The following ME3 variants were observed in gnomAD, a reference collection of about 807,000 sequenced individuals.
ME3 encodes the protein NADP-dependent malic enzyme, mitochondrial.
ME3 carries 48 observed loss-of-function variants against 68.9 expected under a neutral mutation model. The ratio of observed to expected loss-of-function variants is 0.70; its 90% CI spans 0.55 to 0.89. The LOEUF is 0.89. ME3 is among the 40% of genes least tolerant of loss of function. The pLI is 0.00. For missense variants in ME3, 675 were observed against 797.4 expected (o/e 0.85, Z 1.85); for synonymous variants, 320 against 318.8 (o/e 1.00, Z -0.04).
At chr11:86,537,251 C>G (rs964016901) in intron 4 of ME3, among the ~76,000 whole-genome samples, 1 of 150,972 alleles carries the variant, frequency 6.6e-6, no homozygotes, top group East Asian at 1.9e-4. Context: ...CTAACCTGCA[C>G]AATGTGCACA....
chr11:86,643,756 A>T (rs1339160567), intron 2 of ME3, among the ~76,000 whole-genome samples: 1 of 152,160 alleles, frequency 6.6e-6, no homozygotes, highest in Non-Finnish European at 1.5e-5. Flanking sequence ...GAGAGCAAGG[A>T]CCATGAACCC....
chr11:86,504,459 C>T (rs893298851), intron 5 of ME3, among the ~76,000 whole-genome samples: 7 of 139,132 alleles, frequency 5.0e-5, no homozygotes, highest in African/African-American at 8.0e-5. Flanking sequence ...GGCCTGATCT[C>T]GGCTCACTGC....
intron 2 of ME3, among the ~76,000 whole-genome samples, chr11:86,586,097 T>C (rs1478599266): frequency 6.6e-6 from 1 of 152,172 alleles, no homozygotes; most frequent in African/African-American, 2.4e-5. Context: ...TGCACAAAAC[T>C]TTTTCAAAAA....
In ME3 at chr11:86,629,434, T is replaced by C. The variant is rs1016153025; in HGVS notation, c.183+42328A>G. 3.9e-5 allele frequency among the ~76,000 whole-genome samples: 6 copies of C among 152,200 alleles called. No individual in the cohort carries two copies. In the South Asian group the frequency reaches 6.2e-4, roughly 16 times the overall value. ...TGCTGAAGAAAGGAGGTTAACTAAA[T>C]GTGTTTTGGTTTAGACCCTCCCCCT... On this transcript the variant is annotated intron_variant, in intron 2 of 14. Transcript: ENST00000543262.
chr11:86,472,248 A>G (rs1025686696), intron 7 of ME3, among the ~76,000 whole-genome samples: 5 of 152,206 alleles, frequency 3.3e-5, no homozygotes, highest in African/African-American at 1.2e-4. Flanking sequence ...CATGGGGAGA[A>G]ATGAGCCTTG....
At chr11:86,620,717 C>G (rs1050219564) in intron 2 of ME3, among the ~76,000 whole-genome samples, 1 of 152,218 alleles carries the variant, frequency 6.6e-6, no homozygotes, top group Non-Finnish European at 1.5e-5. Flanking sequence ...CAAGAAGATA[C>G]AGGCACCTCT....
At chr11:86,666,399 C>A (rs1000892038) in intron 2 of ME3, among the ~76,000 whole-genome samples, 1 of 152,172 alleles carries the variant, frequency 6.6e-6, no homozygotes, top group African/African-American at 2.4e-5. Flanking sequence ...TGATTGCTTG[C>A]CCAGACTTGT....
intron 8 of ME3, chr11:86,462,518 G>T (rs914754091): frequency 7.6e-6 from 9 of 1,187,560 alleles, no homozygotes; most frequent in Non-Finnish European, 7.5e-6. Flanking sequence ...TGATGACCTG[G>T]ATAACAGAGA....
chr11:86,618,614 A>T (rs7939052), intron 2 of ME3, among the ~76,000 whole-genome samples: 1 of 151,886 alleles, frequency 6.6e-6, no homozygotes, highest in Non-Finnish European at 1.5e-5. Context: ...GCAATCCTCA[A>T]TGTTGGAGGT....
At chr11:86,589,357 G>A (rs1958924151) in intron 2 of ME3, among the ~76,000 whole-genome samples, 1 of 152,084 alleles carries the variant, frequency 6.6e-6, no homozygotes, top group Non-Finnish European at 1.5e-5. Flanking sequence ...GGGGGAGGGA[G>A]AGGGAGAAAG....
chr11:86,469,858 T>G (rs1312496345), intron 7 of ME3, among the ~76,000 whole-genome samples: 1 of 151,712 alleles, frequency 6.6e-6, no homozygotes, highest in East Asian at 1.9e-4. Flanking sequence ...TTGTTTTTTT[T>G]TTTTTCCCTC....
intron 7 of ME3, among the ~76,000 whole-genome samples, chr11:86,478,829 C>T (rs1421705269): frequency 6.6e-6 from 1 of 152,100 alleles, no homozygotes; most frequent in East Asian, 1.9e-4. Flanking sequence ...GTCCTGGGGC[C>T]CAGGGAAGCT....
At chr11:86,519,650 C>T (rs1954126411) in intron 4 of ME3, among the ~76,000 whole-genome samples, 1 of 152,224 alleles carries the variant, frequency 6.6e-6, no homozygotes, top group Admixed American at 6.5e-5. Flanking sequence ...CACCATTCCA[C>T]ATATTTTTTG....
intron 2 of ME3, among the ~76,000 whole-genome samples, chr11:86,648,005 G>T (rs568607498): frequency 3.9e-5 from 6 of 152,240 alleles, no homozygotes; most frequent in African/African-American, 1.4e-4. Context: ...CACATAATTG[G>T]AAGTAAAATA....
At chr11:86,449,991 G>T in exon 10 of ME3, 1 of 1,611,806 alleles carries the variant, frequency 6.2e-7, no homozygotes, top group Non-Finnish European at 8.5e-7. Context: ...GGTGGGCAAT[G>T]CCCATAGCTG....
At chr11:86,564,298 T>C (rs1428322671) in intron 2 of ME3, among the ~76,000 whole-genome samples, 1 of 152,182 alleles carries the variant, frequency 6.6e-6, no homozygotes, top group Non-Finnish European at 1.5e-5. Flanking sequence ...TTAAGTGTTC[T>C]CTGATCTACA....
At chr11:86,549,139 C>G (rs778208004) in intron 4 of ME3, among the ~76,000 whole-genome samples, 7 of 152,240 alleles carry the variant, frequency 4.6e-5, no homozygotes, top group Non-Finnish European at 1.0e-4. Context: ...ACAAGGGGAT[C>G]AGATCCACCT....
At chr11:86,511,839 G>GT (rs1405551516) in intron 4 of ME3, among the ~76,000 whole-genome samples, 1 of 152,034 alleles carries the variant, frequency 6.6e-6, no homozygotes, top group Non-Finnish European at 1.5e-5. Flanking sequence ...CTTTTGAGAT[G>GT]TTTTTCAGAT....
chr11:86,585,958 A>G (rs1041236272), intron 2 of ME3, among the ~76,000 whole-genome samples: 44 of 152,352 alleles, frequency 2.9e-4, no homozygotes, highest in African/African-American at 1.0e-3. Context: ...TGAAAGGTCA[A>G]ATCATTAGGA....
Sources: allele counts gnomAD v4.1 joint callset (sites outside exome capture counted in the v4.1 genomes callset), GRCh38; gene constraint gnomAD v4.1.1; transcripts MANE v1.5; gene names NCBI Gene and HGNC (gene_info 2026-07-23, HGNC 2026-07-21).